The following STAU2 variants were observed in gnomAD, a reference collection of about 807,000 sequenced individuals.
STAU2 encodes double-stranded RNA-binding protein Staufen homolog 2.
STAU2 carries 20 observed loss-of-function variants against 65.9 expected under a neutral mutation model. That is an observed-to-expected ratio of 0.30 (90% CI 0.21 to 0.44). The LOEUF (loss-of-function observed/expected upper bound fraction) is 0.44, where lower values mean the gene tolerates loss of function less well. Ranked by LOEUF, STAU2 falls within the 20% of genes least tolerant of loss-of-function variation. The pLI is 1.00. For missense variants in STAU2, 558 were observed against 683.9 expected (o/e 0.82, Z 2.05); for synonymous variants, 232 against 233.9 (o/e 0.99, Z 0.07).
At chr8:73,502,616 T>C (rs1821825171) in intron 13 of STAU2, among the ~76,000 whole-genome samples, 1 of 152,084 alleles carries the variant, frequency 6.6e-6, no homozygotes, top group Non-Finnish European at 1.5e-5. Flanking sequence ...TTTTTCTCTA[T>C]TGCCTAGAGG....
chr8:73,684,182 G>A (rs745422734), intron 5 of STAU2, among the ~76,000 whole-genome samples: 9 of 152,076 alleles, frequency 5.9e-5, no homozygotes, highest in Non-Finnish European at 1.3e-4. Context: ...CAAATCTGGA[G>A]GCATCACATT....
chr8:73,531,326 A>G (rs1206761898), intron 13 of STAU2, among the ~76,000 whole-genome samples: 1 of 152,192 alleles, frequency 6.6e-6, no homozygotes, highest in African/African-American at 2.4e-5. Flanking sequence ...TCACAAAGGA[A>G]CATGAATGGG....
chr8:73,582,900 C>T, intron 11 of STAU2, 70 bp from the exon 12 acceptor site: 5 of 1,457,164 alleles, frequency 3.4e-6, no homozygotes, highest in African/African-American at 2.8e-5. Flanking sequence ...AAAAAGGTGA[C>T]CAATTAAGCA....
intron 13 of STAU2, among the ~76,000 whole-genome samples, chr8:73,486,970 A>G (rs942993135): frequency 6.6e-6 from 1 of 152,102 alleles, no homozygotes; most frequent in Non-Finnish European, 1.5e-5. Context: ...TGTTTTTAAC[A>G]GGGTTATTTC....
chr8:73,651,643 G>A, intron 6 of STAU2: 3 of 564,046 alleles, frequency 5.3e-6, no homozygotes, highest in Non-Finnish European at 6.5e-6. Context: ...GGAACAAGAG[G>A]CCCTGGCCTC....
chr8:73,647,212 G>A (rs547400485), intron 6 of STAU2, among the ~76,000 whole-genome samples: 1 of 152,162 alleles, frequency 6.6e-6, no homozygotes, highest in Non-Finnish European at 1.5e-5. Context: ...ACACAACTGA[G>A]GTATCACACT....
intron 3 of STAU2, among the ~76,000 whole-genome samples, chr8:73,731,161 G>T (rs1806040126): frequency 2.0e-5 from 3 of 152,254 alleles, no homozygotes; most frequent in Middle Eastern, 6.8e-3. Context: ...CTCAGGTAGG[G>T]CCTGTCAAGC....
intron 3 of STAU2, among the ~76,000 whole-genome samples, chr8:73,730,248 T>C (rs573896848): frequency 6.6e-6 from 1 of 152,346 alleles, no homozygotes; most frequent in African/African-American, 2.4e-5. Flanking sequence ...ATTCTCTAAT[T>C]CCCACATATT....
At chr8:73,568,898 C>A (rs1586023699) in intron 12 of STAU2, among the ~76,000 whole-genome samples, 1 of 152,088 alleles carries the variant, frequency 6.6e-6, no homozygotes, top group African/African-American at 2.4e-5. Flanking sequence ...TGCTGCAGCT[C>A]CCAGTGTGAG....
intron 2 of STAU2, among the ~76,000 whole-genome samples, chr8:73,739,473 T>C (rs545142728): frequency 9.2e-5 from 14 of 152,288 alleles, no homozygotes; most frequent in African/African-American, 2.9e-4. Flanking sequence ...AATTTTAATA[T>C]TGAACTTTCC....
In STAU2 at chr8:73,688,083, C is replaced by T. The variant is rs192442669; in HGVS notation, c.274+571G>A. On this transcript the variant is annotated intron_variant, in intron 5 of 14. Transcript: ENST00000524300. ...TGCTTTGTATTCAAATATGTTTTTGCCAACATTAAAAAAGTAAACAATGCA... is the reference window on the plus strand; with the variant it reads ...TGCTTTGTATTCAAATATGTTTTTGTCAACATTAAAAAAGTAAACAATGCA... Among the ~76,000 whole-genome samples the T allele has an allele frequency of 4.9e-4, 74 of 151,510 alleles. 1 individual carries two copies. In the South Asian group the frequency reaches 0.011, roughly 23 times the overall value.
intron 5 of STAU2, among the ~76,000 whole-genome samples, chr8:73,681,139 G>C (rs1818401244): frequency 6.6e-6 from 1 of 152,008 alleles, no homozygotes; most frequent in African/African-American, 2.4e-5. Flanking sequence ...ATTGCAAAAA[G>C]ATCATCACCT....
chr8:73,448,869 G>C (rs913941410), intron 13 of STAU2, among the ~76,000 whole-genome samples: 1 of 152,266 alleles, frequency 6.6e-6, no homozygotes, highest in South Asian at 2.1e-4. Flanking sequence ...GGTCCCTGCC[G>C]TGGGCGCTAG....
chr8:73,732,748 G>A (rs1434146400), intron 3 of STAU2: 2 of 152,102 alleles, frequency 1.3e-5, no homozygotes, highest in Non-Finnish European at 1.5e-5. Flanking sequence ...AGCCAATCTG[G>A]GCTTGAGAAA....
chr8:73,643,066 G>A (rs986364747), intron 6 of STAU2, among the ~76,000 whole-genome samples: 2 of 152,116 alleles, frequency 1.3e-5, no homozygotes, highest in Non-Finnish European at 2.9e-5. Context: ...AACTCCTCTT[G>A]GATGTCTTAC....
chr8:73,741,306 A>G (rs1806856563), intron 1 of STAU2, among the ~76,000 whole-genome samples: 1 of 149,368 alleles, frequency 6.7e-6, no homozygotes, highest in South Asian at 2.1e-4. Flanking sequence ...CTCCGTCTCA[A>G]AAAAAAAAAA....
intron 13 of STAU2, among the ~76,000 whole-genome samples, chr8:73,548,225 TCTC>T (rs1484708413): frequency 1.3e-5 from 2 of 148,760 alleles, no homozygotes; most frequent in East Asian, 3.9e-4. Context: ...CTTGTATTGA[TCTC>T]CTAACAAAAA....
intron 13 of STAU2, among the ~76,000 whole-genome samples, chr8:73,503,113 A>G (rs1469622402): frequency 1.3e-5 from 2 of 152,138 alleles, no homozygotes; most frequent in African/African-American, 2.4e-5. Context: ...GCAGAAGCCC[A>G]TAACAAGACT....
chr8:73,647,616 T>C (rs1586186752), intron 6 of STAU2, among the ~76,000 whole-genome samples: 1 of 151,672 alleles, frequency 6.6e-6, no homozygotes, highest in South Asian at 2.1e-4. Flanking sequence ...TCTCACTCTG[T>C]TGCCCAGGCT....
Sources: gnomAD v4.1 joint callset for allele counts (sites outside exome capture counted in the v4.1 genomes callset) on GRCh38, gnomAD v4.1.1 for gene constraint, MANE v1.5 for transcripts, NCBI Gene and HGNC (gene_info 2026-07-23, HGNC 2026-07-21) for gene names.